The following DUSP10 variants were observed in gnomAD, a reference collection of about 807,000 sequenced individuals.
DUSP10 encodes the protein dual specificity protein phosphatase 10.
In DUSP10, 14 loss-of-function variants were observed where a neutral mutation model predicts 30.8. That is an observed-to-expected ratio of 0.46 (90% CI 0.30 to 0.71). DUSP10 has a LOEUF of 0.71. DUSP10 is among the 30% of genes least tolerant of loss of function. The probability of loss-of-function intolerance (pLI) is 0.08; values close to 1 mark genes in which losing one functional copy is unlikely to be tolerated. For synonymous variants in DUSP10, 254 were observed against 250.4 expected, an observed-to-expected ratio of 1.01 and a Z score of -0.14; for missense variants, 550 against 619.4, an observed-to-expected ratio of 0.89 and a Z score of 1.19.
chr1:221,717,650 G>C (rs574353274), intron 2 of DUSP10, among the ~76,000 whole-genome samples: 1 of 152,126 alleles, frequency 6.6e-6, no homozygotes, highest in East Asian at 1.9e-4. Context: ...CTAATCCCCA[G>C]CGTGAGGTCA....
intron 2 of DUSP10, among the ~76,000 whole-genome samples, chr1:221,721,999 T>C (rs1330506833): frequency 2.0e-5 from 3 of 152,178 alleles, no homozygotes; most frequent in Non-Finnish European, 4.4e-5. Context: ...GGTGGCCCTG[T>C]TTCTTCTATC....
chr1:221,713,750 G>A (rs913755280), intron 2 of DUSP10, among the ~76,000 whole-genome samples: 2 of 152,170 alleles, frequency 1.3e-5, no homozygotes, highest in African/African-American at 4.8e-5. Context: ...TTGGAGAGCA[G>A]GACTAGTCTT....
Position 221,702,297 on chromosome 1 carries a change from T to TTCACAAACTTACTCCCAACTA in DUSP10, c.*94_*114dup. On this transcript the variant is annotated 3_prime_UTR_variant, in exon 4 of 4. Coordinates refer to ENST00000366899, the MANE Select transcript of DUSP10 (RefSeq NM_007207.6). This position sits in a 1 kb window ranked among gnomAD's most constrained non-coding sequence, Gnocchi z 4.5. ...AAGTGTTTAAACAAGTTTGTTTCCATTCACAAACTTACTCCCAACTACAAA... is the reference window on the plus strand; with the variant it reads ...AAGTGTTTAAACAAGTTTGTTTCCATTCACAAACTTACTCCCAACTATCACAAACTTACTCCCAACTACAAA... 2.4e-6 allele frequency: 3 copies of TTCACAAACTTACTCCCAACTA among 1,237,206 alleles called. No homozygotes were observed. Among genetic ancestry groups the TTCACAAACTTACTCCCAACTA allele is most frequent in the Non-Finnish European group, 3.4e-6 (3 of 889,940 alleles). 76.6% of individuals were successfully genotyped at this position (1,237,206 alleles called of 1,614,324 possible).
chr1:221,702,434 A>G lies in DUSP10; in HGVS notation c.1427T>C (p.Met476Thr), dbSNP rs766740853. 3.1e-6 allele frequency: 5 copies of G among 1,613,734 alleles called. No homozygotes were observed. In the South Asian group the frequency reaches 5.5e-5, roughly 18 times the overall value. Residue 476 changes from methionine to threonine, a missense_variant, in exon 4 of 4, where the codon ATG becomes ACG. By Grantham distance (81) the Met-to-Thr change is moderately conservative. Coordinates refer to ENST00000366899, the MANE Select transcript of DUSP10 (RefSeq NM_007207.6). The surrounding 1 kb of genome is among the most constrained non-coding windows in gnomAD (Gnocchi z 4.5). ...TTGTCACACAACCGTCTCCACGCCCATCAGCTTTGGTGTAAGGATTCTCGG... is the reference window on the plus strand; with the variant it reads ...TTGTCACACAACCGTCTCCACGCCCGTCAGCTTTGGTGTAAGGATTCTCGG... Reference protein sequence around the residue: ...VTPRILTPKLMGVETVV With the variant: ...VTPRILTPKLTGVETVV
intron 3 of DUSP10, 138 bp downstream of exon 3, chr1:221,705,957 T>G (rs1477520981): frequency 1.7e-6 from 2 of 1,164,388 alleles, no homozygotes; most frequent in African/African-American, 3.1e-5. Context: ...TTAGGCTGTT[T>G]CAGGTGGCAG....
At chr1:221,713,209 A>G (rs1398786719) in intron 2 of DUSP10, among the ~76,000 whole-genome samples, 1 of 152,232 alleles carries the variant, frequency 6.6e-6, no homozygotes, top group Non-Finnish European at 1.5e-5. Context: ...GGGAGGACAA[A>G]GCAGGAGCCA....
intron 2 of DUSP10, chr1:221,737,572 A>T: frequency 1.8e-6 from 1 of 541,308 alleles, no homozygotes; most frequent in Non-Finnish European, 2.4e-6. Flanking sequence ...AAGCTTCTGG[A>T]ACTCTCTACA....
At chr1:221,708,371 T>C (rs1050041615) in intron 2 of DUSP10, among the ~76,000 whole-genome samples, 1 of 152,242 alleles carries the variant, frequency 6.6e-6, no homozygotes, top group Admixed American at 6.5e-5. Context: ...CCGAGTCTCA[T>C]GACTTTTCAC....
rs770411209 is a variant in DUSP10, at chr1:221,702,380, G to C, written c.*32C>G. The C allele has an allele frequency of 1.0e-5, 16 of 1,606,750 alleles. No homozygotes were observed. In the South Asian group the frequency reaches 1.8e-4, roughly 18 times the overall value. ...CCTCCTTCCTCATTGTCTCCTAATG[G>C]AGAGCAGCAATCCTTTCCATCCAGA... is the stretch of plus-strand genomic sequence containing the variant. On this transcript the variant is annotated 3_prime_UTR_variant, in exon 4 of 4. Transcript: ENST00000366899. The surrounding 1 kb of genome is among the most constrained non-coding windows in gnomAD (Gnocchi z 4.5).
chr1:221,725,593 G>A (rs572333064), intron 2 of DUSP10, among the ~76,000 whole-genome samples: 2 of 152,270 alleles, frequency 1.3e-5, no homozygotes, highest in Admixed American at 1.3e-4. Flanking sequence ...TTTTATCAAG[G>A]AAGACAAGCT....
chr1:221,708,640 T>C (rs1334526980), intron 2 of DUSP10, among the ~76,000 whole-genome samples: 4 of 152,334 alleles, frequency 2.6e-5, no homozygotes, highest in Non-Finnish European at 4.4e-5. Context: ...AGTTTGAACC[T>C]GAAGAGATAA....
chr1:221,737,939 A>T (rs1159685140), intron 2 of DUSP10, among the ~76,000 whole-genome samples: 1 of 152,206 alleles, frequency 6.6e-6, no homozygotes, highest in Non-Finnish European at 1.5e-5. Context: ...GAAACTGCGT[A>T]CCTTGGCTCA....
chr1:221,718,209 G>T (rs1661169202), intron 2 of DUSP10, among the ~76,000 whole-genome samples: 1 of 152,048 alleles, frequency 6.6e-6, no homozygotes, highest in South Asian at 2.1e-4. Context: ...TTAGTTCCAT[G>T]AACCAGCTAC....
chr1:221,736,926 G>A, intron 2 of DUSP10: 1 of 985,444 alleles, frequency 1.0e-6, no homozygotes, highest in African/African-American at 1.7e-5. Context: ...TGGCTGCCCA[G>A]GGCGCCCAGT....
intron 2 of DUSP10, among the ~76,000 whole-genome samples, chr1:221,721,063 G>T (rs1661266917): frequency 6.6e-6 from 1 of 152,140 alleles, no homozygotes; most frequent in South Asian, 2.1e-4. Context: ...TCACCTCTTT[G>T]TACCCTGAAA....
intron 2 of DUSP10, among the ~76,000 whole-genome samples, chr1:221,715,677 A>G (rs1661077620): frequency 6.6e-6 from 1 of 152,258 alleles, no homozygotes; most frequent in Admixed American, 6.5e-5. Flanking sequence ...TAGAACAGAA[A>G]GCACTGCCAG....
intron 2 of DUSP10, among the ~76,000 whole-genome samples, chr1:221,721,129 C>A (rs1661268116): frequency 6.6e-6 from 1 of 152,176 alleles, no homozygotes; most frequent in African/African-American, 2.4e-5. Flanking sequence ...ATTAAATCAG[C>A]TACTACATTG....
At chr1:221,733,931 T>C (rs1030007785) in intron 2 of DUSP10, among the ~76,000 whole-genome samples, 2 of 151,886 alleles carry the variant, frequency 1.3e-5, no homozygotes, top group Non-Finnish European at 2.9e-5. Context: ...AGCAGGAGAG[T>C]GTACCCAAAA....
chr1:221,739,089 C>A lies in DUSP10; in HGVS notation c.656G>T (p.Arg219Met), dbSNP rs763185891. ...CCTCTTGAAAGAGTCCTTGCCTTCCCTACAGGAAATCAAGTCTAGGACAGT... is the reference window on the plus strand; with the variant it reads ...CCTCTTGAAAGAGTCCTTGCCTTCCATACAGGAAATCAAGTCTAGGACAGT... ...KITVLDLISC[R>M]EGKDSFKRIF... The change falls in exon 2 of 4, where the codon AGG (arginine) becomes ATG (methionine). Residue 219 changes from arginine (R) to methionine (M), a missense_variant. Physicochemically the swap from Arg to Met is moderately conservative, Grantham distance 91. Coordinates refer to ENST00000366899, the MANE Select transcript of DUSP10 (RefSeq NM_007207.6). 1 of 1,614,206 alleles carries A rather than the reference C, an allele frequency of 6.2e-7. No homozygotes were observed. Among genetic ancestry groups the A allele is most frequent in the South Asian group, 1.1e-5 (1 of 91,088 alleles).
Sources: gnomAD v4.1 joint callset for allele counts (sites outside exome capture counted in the v4.1 genomes callset) on GRCh38, gnomAD v4.1.1 for gene constraint, Gnocchi (gnomAD v3.1) non-coding constraint, MANE v1.5 for transcripts, NCBI Gene and HGNC (gene_info 2026-07-23, HGNC 2026-07-21) for gene names.